SLC25A48: variants seen among roughly 807,000 people sequenced by gnomAD.
The protein encoded by SLC25A48 is solute carrier family 25 member 48.
A neutral mutation model predicts 32.2 loss-of-function variants in SLC25A48; 29 were observed. The ratio of observed to expected loss-of-function variants is 0.90; its 90% CI spans 0.67 to 1.23. The LOEUF (loss-of-function observed/expected upper bound fraction) is 1.23. Among genes scored for constraint, SLC25A48 ranks in the 50% most tolerant of loss-of-function variants. SLC25A48 has a pLI of 0.00. For missense variants in SLC25A48, 399 were observed against 422.7 expected (o/e 0.94, Z 0.49); for synonymous variants, 164 against 172.3 (o/e 0.95, Z 0.38).
chr5:135,704,346 C>T (rs1005656893), intron 3 of SLC25A48, among the ~76,000 whole-genome samples: 6 of 152,336 alleles, frequency 3.9e-5, no homozygotes, highest in African/African-American at 1.4e-4. Context: ...TTCAAGGCTT[C>T]AGACTTTTCA....
chr5:135,877,700 C>G (rs1035857835), intron 6 of SLC25A48, among the ~76,000 whole-genome samples: 1 of 152,146 alleles, frequency 6.6e-6, no homozygotes, highest in Admixed American at 6.5e-5. Flanking sequence ...TAATCCCACC[C>G]CCACCTCTGT....
chr5:135,672,210 A>G (rs989895608), intron 3 of SLC25A48, among the ~76,000 whole-genome samples: 2 of 152,198 alleles, frequency 1.3e-5, no homozygotes, highest in Non-Finnish European at 2.9e-5. Flanking sequence ...CCTTCTGGAG[A>G]TGTTCCAGGG....
At chr5:135,865,514 C>A (rs952895455) in intron 4 of SLC25A48, among the ~76,000 whole-genome samples, 2 of 152,162 alleles carry the variant, frequency 1.3e-5, no homozygotes, top group African/African-American at 4.8e-5. Flanking sequence ...AAGCCTCTGA[C>A]CCAAGGATCA....
In SLC25A48 at chr5:135,758,852, T is replaced by A. The variant is rs532226787; in HGVS notation, c.-520-53671T>A. ...TATTAATAGAATATTATCTATGCTA[T>A]AAATAATATCAAACATTAACACATT... On this transcript the variant is annotated intron_variant, in intron 3 of 10. Coordinates refer to the SLC25A48 transcript ENST00000646290. 1.2e-4 allele frequency among the ~76,000 whole-genome samples: 18 copies of A among 150,808 alleles called. No individual in the cohort carries two copies. The East Asian group carries it at 3.6e-3, about 30-fold the overall frequency.
chr5:135,756,152 AAC>A (rs1755896829), intron 3 of SLC25A48, among the ~76,000 whole-genome samples: 1 of 152,110 alleles, frequency 6.6e-6, no homozygotes, highest in Admixed American at 6.6e-5. Flanking sequence ...ATCTAGTGTC[AAC>A]ACACTATGAT....
At chr5:135,603,937 C>G (rs1165325740) in intron 1 of SLC25A48, among the ~76,000 whole-genome samples, 1 of 152,138 alleles carries the variant, frequency 6.6e-6, no homozygotes, top group Non-Finnish European at 1.5e-5. Flanking sequence ...TCCCCTGCCC[C>G]CTTCCCAGGC....
At chr5:135,628,106 G>T (rs2126904556) in intron 1 of SLC25A48, among the ~76,000 whole-genome samples, 2 of 152,302 alleles carry the variant, frequency 1.3e-5, no homozygotes, top group South Asian at 4.2e-4. Flanking sequence ...TCTAGAGAAG[G>T]TGACATTTGG....
chr5:135,811,981 C>T (rs1433136992), intron 3 of SLC25A48, among the ~76,000 whole-genome samples: 1 of 151,932 alleles, frequency 6.6e-6, no homozygotes, highest in Non-Finnish European at 1.5e-5. Flanking sequence ...ACTCAGGAAG[C>T]TGAGGCAGGA....
In SLC25A48 at chr5:135,683,701, C is replaced by G. The variant is rs555317617; in HGVS notation, c.-521+48745C>G. 2.0e-5 allele frequency among the ~76,000 whole-genome samples: 3 copies of G among 152,316 alleles called. No homozygotes were observed. In the East Asian group the frequency reaches 5.8e-4, roughly 29 times the overall value. ...CCCACCATCGTCAAACTGCCCATGA[C>G]AAGAGGACAAATATACCTTACAGTT... On this transcript the variant is annotated intron_variant, in intron 3 of 10. Coordinates refer to the SLC25A48 transcript ENST00000646290.
At chr5:135,799,940 C>G (rs1340922032) in intron 3 of SLC25A48, among the ~76,000 whole-genome samples, 1 of 151,620 alleles carries the variant, frequency 6.6e-6, no homozygotes, top group Admixed American at 6.6e-5. Flanking sequence ...CGATATTGTT[C>G]CTAACATCTA....
chr5:135,840,251 A>G (rs1758881224), intron 1 of SLC25A48, among the ~76,000 whole-genome samples: 1 of 152,150 alleles, frequency 6.6e-6, no homozygotes, highest in South Asian at 2.1e-4. Flanking sequence ...TAGGTATTTT[A>G]TATGCATTAC....
chr5:135,723,478 C>T (rs2126985014), intron 3 of SLC25A48, among the ~76,000 whole-genome samples: 1 of 148,674 alleles, frequency 6.7e-6, no homozygotes, highest in African/African-American at 2.5e-5. Flanking sequence ...TCCCTTTTCT[C>T]TTTTTTTATT....
At chr5:135,777,220 G>A (rs1307840087) in intron 3 of SLC25A48, among the ~76,000 whole-genome samples, 1 of 151,580 alleles carries the variant, frequency 6.6e-6, no homozygotes, top group African/African-American at 2.4e-5. Context: ...CTCCAATATC[G>A]CAGGGAGTGT....
At chr5:135,627,127 C>T (rs987476328) in intron 1 of SLC25A48, among the ~76,000 whole-genome samples, 1 of 152,188 alleles carries the variant, frequency 6.6e-6, no homozygotes, top group Non-Finnish European at 1.5e-5. Context: ...TGGACTGCTG[C>T]TGCTCAGATC....
intron 3 of SLC25A48, among the ~76,000 whole-genome samples, chr5:135,750,946 G>A (rs1390875003): frequency 2.0e-5 from 3 of 152,146 alleles, no homozygotes; most frequent in Admixed American, 6.5e-5. Context: ...GTTGACCCAC[G>A]GGAGGTAAAA....
chr5:135,798,890 A>G (rs1411267729), intron 3 of SLC25A48, among the ~76,000 whole-genome samples: 2 of 151,642 alleles, frequency 1.3e-5, no homozygotes, highest in East Asian at 3.9e-4. Context: ...ATCCATGGGG[A>G]TGACGATGAT....
intron 3 of SLC25A48, among the ~76,000 whole-genome samples, chr5:135,686,029 T>C (rs1754014548): frequency 6.6e-6 from 1 of 152,218 alleles, no homozygotes; most frequent in South Asian, 2.1e-4. Flanking sequence ...ACTTGGTTCA[T>C]ATGAGGCCGG....
intron 3 of SLC25A48, among the ~76,000 whole-genome samples, chr5:135,694,383 A>G (rs1754219220): frequency 6.6e-6 from 1 of 152,108 alleles, no homozygotes; most frequent in South Asian, 2.1e-4. Flanking sequence ...CCTGAAGATG[A>G]AACCAGCTCC....
intron 3 of SLC25A48, among the ~76,000 whole-genome samples, chr5:135,659,602 C>T (rs1305176927): frequency 6.6e-6 from 1 of 152,142 alleles, no homozygotes; most frequent in Non-Finnish European, 1.5e-5. Flanking sequence ...TTTCTGGTAC[C>T]AATTTTCTTG....
Sources: gnomAD v4.1 joint callset for allele counts (sites outside exome capture counted in the v4.1 genomes callset) on GRCh38, gnomAD v4.1.1 for gene constraint, MANE v1.5 for transcripts, NCBI Gene and HGNC (gene_info 2026-07-23, HGNC 2026-07-21) for gene names.